GAB4: variants seen among roughly 807,000 people sequenced by gnomAD.
The protein encoded by GAB4 is GRB2-associated-binding protein 4.
A neutral mutation model predicts 51.3 loss-of-function variants in GAB4; 26 were observed. The observed-to-expected ratio is 0.51, with a 90% CI of 0.37 to 0.70. GAB4 has a LOEUF of 0.70. Ranked by LOEUF, GAB4 falls within the 30% of genes least tolerant of loss-of-function variation. The pLI is 0.00. For synonymous variants in GAB4, 329 were observed against 291.2 expected, an observed-to-expected ratio of 1.13 and a Z score of -1.32; for missense variants, 759 against 734.6, an observed-to-expected ratio of 1.03 and a Z score of -0.38.
intron 3 of GAB4, 127 bp downstream of exon 3, chr22:16,987,833 T>C (rs966620626): frequency 3.7e-5 from 26 of 693,596 alleles, no homozygotes; most frequent in Non-Finnish European, 5.3e-5. Context: ...TGTTGTTATA[T>C]ATGTTTGCTT....
At chr22:17,005,137 A>G (rs2061030108) in intron 1 of GAB4, among the ~76,000 whole-genome samples, 1 of 152,250 alleles carries the variant, frequency 6.6e-6, no homozygotes, top group Non-Finnish European at 1.5e-5. Flanking sequence ...GAAGCTGGTA[A>G]GCAACTTCAG....
At chr22:16,993,799 C>A (rs5994122) in intron 1 of GAB4, among the ~76,000 whole-genome samples, 2,665 of 152,252 alleles carry the variant, frequency 0.018, 88 homozygotes, top group African/African-American at 0.061. Flanking sequence ...CCTCCAACAC[C>A]CTTATTTCTT....
At chr22:16,986,028 G>A (rs8136769) in intron 3 of GAB4, among the ~76,000 whole-genome samples, 2,995 of 152,296 alleles carry the variant, frequency 0.02, 119 homozygotes, top group African/African-American at 0.068. Flanking sequence ...CTGCTGGTAA[G>A]ACTAACAGGA....
intron 1 of GAB4, among the ~76,000 whole-genome samples, chr22:17,001,570 C>A (rs1162053381): frequency 1.3e-5 from 2 of 152,114 alleles, no homozygotes; most frequent in Non-Finnish European, 1.5e-5. Flanking sequence ...AGCTTCTTTG[C>A]GATGGGTTCA....
At chr22:16,984,692 A>G (rs2060853615) in intron 3 of GAB4, among the ~76,000 whole-genome samples, 1 of 152,242 alleles carries the variant, frequency 6.6e-6, no homozygotes, top group Non-Finnish European at 1.5e-5. Context: ...TATGTGTGGC[A>G]GTTCCAAGCT....
chr22:17,000,660 T>G (rs1227212044), intron 1 of GAB4, among the ~76,000 whole-genome samples: 8 of 152,330 alleles, frequency 5.3e-5, no homozygotes, highest in African/African-American at 1.9e-4. Context: ...TATTGTTATG[T>G]GTGAATTTGA....
intron 3 of GAB4, among the ~76,000 whole-genome samples, chr22:16,985,674 T>C (rs1215339541): frequency 6.6e-6 from 1 of 152,218 alleles, no homozygotes; most frequent in Non-Finnish European, 1.5e-5. Context: ...ATATTGCTAA[T>C]TGTCCTCTCA....
intron 1 of GAB4, among the ~76,000 whole-genome samples, chr22:17,005,531 C>G (rs977106387): frequency 2.0e-5 from 3 of 152,172 alleles, no homozygotes; most frequent in African/African-American, 7.2e-5. Flanking sequence ...CAAAAAAGAG[C>G]CCGTATAGCC....
chr22:16,995,484 A>C (rs969210069), intron 1 of GAB4, among the ~76,000 whole-genome samples: 11 of 152,210 alleles, frequency 7.2e-5, no homozygotes, highest in Admixed American at 7.2e-4. Context: ...TGCCTCCTCA[A>C]GTGGGTCCCT....
chr22:17,007,819 C>G, intron 1 of GAB4, 122 bp downstream of exon 1: 7 of 873,650 alleles, frequency 8.0e-6, no homozygotes, highest in Non-Finnish European at 1.2e-5. Flanking sequence ...CGCATGCAGA[C>G]GTGGAGAAGT....
chr22:16,973,527 G>A (rs554310764), intron 3 of GAB4, among the ~76,000 whole-genome samples: 27 of 152,158 alleles, frequency 1.8e-4, no homozygotes, highest in Middle Eastern at 3.4e-3. Flanking sequence ...CCCTGAGTAC[G>A]TCCCACATGG....
intron 2 of GAB4, among the ~76,000 whole-genome samples, chr22:16,988,974 G>A (rs780975629): frequency 5.9e-5 from 9 of 152,072 alleles, no homozygotes; most frequent in African/African-American, 1.2e-4. Flanking sequence ...TTCAGGGACC[G>A]ACTTTCTTCT....
rs867701102 is a variant in GAB4 at position 16,962,614 on chromosome 22, T to A, written c.*119A>T. 5.5e-6 allele frequency: 5 copies of A among 911,700 alleles called. No homozygotes were observed. In the East Asian group the frequency reaches 1.4e-4, roughly 25 times the overall value. 56.5% of individuals were successfully genotyped at this position (911,700 alleles called of 1,614,324 possible). The stretch of plus-strand genomic sequence containing the variant: ...GCCCCAAGCAGGCAAAGGATGTATA[T>A]TGATCAGGCCTCTGCTCTCTATGTA... On this transcript the variant is annotated 3_prime_UTR_variant, in exon 10 of 10. Transcript: ENST00000400588.
At position 16,966,203 on chromosome 22, in the gene GAB4, C is replaced by A. The variant is rs755302062; in HGVS notation, c.1185G>T (p.Leu395=). The A allele has an allele frequency of 4.3e-6, 7 of 1,614,076 alleles. No individual in the cohort carries two copies. The highest frequency in any genetic ancestry group is 3.4e-6 in the Non-Finnish European group (4 of 1,180,016). ...AAAGCTCTGTGAGTGGGGAGCCAAG[C>A]AGGTCAAAGCGAACAAGACATGAGC... is the stretch of plus-strand genomic sequence containing the variant. ...PVGSCLVRFD[L]LGSPLTELSM... is the part of the protein sequence containing the mutation. Residue 395 remains leucine (L), a synonymous_variant, in exon 6 of 10, where the codon CTG becomes CTT. Coordinates refer to ENST00000400588, the MANE Select transcript of GAB4 (RefSeq NM_001037814.1).
intron 1 of GAB4, among the ~76,000 whole-genome samples, chr22:17,005,289 T>C (rs2061031321): frequency 1.3e-5 from 2 of 152,110 alleles, no homozygotes; most frequent in Non-Finnish European, 2.9e-5. Context: ...GAATACAACC[T>C]ACAAGAGATG....
chr22:16,985,474 T>C (rs1569102826), intron 3 of GAB4, among the ~76,000 whole-genome samples: 1 of 152,250 alleles, frequency 6.6e-6, no homozygotes, highest in Non-Finnish European at 1.5e-5. Context: ...TGTTCTTCAG[T>C]GCCTTCAAAC....
intron 1 of GAB4, among the ~76,000 whole-genome samples, chr22:17,002,766 C>T (rs547008859): frequency 2.6e-5 from 4 of 151,966 alleles, no homozygotes; most frequent in African/African-American, 4.8e-5. Context: ...ACATGGCACA[C>T]GTATACATAT....
In GAB4 at chr22:16,970,115, G is replaced by A. The variant is rs754709365; in HGVS notation, c.765C>T (p.His255=). 6.2e-7 allele frequency: 1 copy of A among 1,614,164 alleles called. No homozygotes were observed. Among genetic ancestry groups the A allele is most frequent in the Non-Finnish European group, 8.5e-7 (1 of 1,180,020 alleles). Residue 255 remains histidine (H), a synonymous_variant, in exon 4 of 10, where the codon CAC becomes CAT. Coordinates refer to ENST00000400588, the MANE Select transcript of GAB4 (RefSeq NM_001037814.1). ...RNTAMQNLAQ[H]SGYSVDGVSG... is the part of the protein sequence containing the mutation. ...TGACCCCATCAACACTGTATCCACT[G>A]TGCTGGGCAAGATTTTGCATGGCTG... is the stretch of plus-strand genomic sequence containing the variant.
rs111605721 is a variant in GAB4 at position 16,987,925 on chromosome 22, G to A, written c.686+35C>T. ...ACTGAATAGAACAAGACCTTGTGGG[G>A]GTCACTGCCCCCACTGGCCATAGTA... On this transcript the variant is annotated intron_variant, in intron 3 of 9. Coordinates refer to ENST00000400588, the MANE Select transcript of GAB4 (RefSeq NM_001037814.1). 9,523 of 1,510,232 alleles carry A rather than the reference G, an allele frequency of 6.3e-3. 505 individuals carry two copies. In the African/African-American group the frequency reaches 0.11, roughly 18 times the overall value. The allele number at this position is 1,510,232 out of a possible 1,614,324, so 93.6% of individuals were successfully genotyped here.
Sources: gnomAD v4.1 joint callset for allele counts (sites outside exome capture counted in the v4.1 genomes callset) on GRCh38, gnomAD v4.1.1 for gene constraint, MANE v1.5 for transcripts, NCBI Gene and HGNC (gene_info 2026-07-23, HGNC 2026-07-21) for gene names.